Variants in SHISA6 observed in about 807,000 individuals in gnomAD.
The protein encoded by SHISA6 is shisa family member 6, also known as protein shisa-6.
Under a neutral mutation model 47.9 loss-of-function variants are expected in SHISA6, and 22 were observed. The ratio of observed to expected loss-of-function variants is 0.46; its 90% CI spans 0.33 to 0.66. The LOEUF (loss-of-function observed/expected upper bound fraction) is 0.66, where lower values mean the gene tolerates loss of function less well. Among genes scored for constraint, SHISA6 ranks in the 30% least tolerant of loss-of-function variants. The pLI, the probability that SHISA6 is intolerant of heterozygous loss-of-function variation, is 0.02. For missense variants in SHISA6, 680 were observed against 764.6 expected (o/e 0.89, Z 1.30); for synonymous variants, 388 against 337.8 (o/e 1.15, Z -1.63).
chr17:11,486,731 G>C (rs1055025083), intron 3 of SHISA6, among the ~76,000 whole-genome samples: 2 of 152,152 alleles, frequency 1.3e-5, no homozygotes, highest in Non-Finnish European at 2.9e-5. Context: ...CTGGGCACTA[G>C]GAATAATCTC....
At chr17:11,290,671 A>G (rs1162281884) in intron 2 of SHISA6, 2 of 151,522 alleles carry the variant, frequency 1.3e-5, no homozygotes, top group Non-Finnish European at 2.9e-5. Flanking sequence ...CTCTCTCTAT[A>G]TATTTATTTT....
intron 3 of SHISA6, among the ~76,000 whole-genome samples, chr17:11,538,356 C>T (rs12948114): frequency 2.6e-5 from 4 of 152,224 alleles, no homozygotes; most frequent in East Asian, 3.9e-4. Context: ...CCACCACATC[C>T]GACCTACCTG....
intron 3 of SHISA6, among the ~76,000 whole-genome samples, chr17:11,484,280 A>G (rs1916290143): frequency 2.0e-5 from 3 of 152,240 alleles, no homozygotes; most frequent in Non-Finnish European, 4.4e-5. Context: ...GCTTAAATAA[A>G]TACAAATAAA....
intron 3 of SHISA6, among the ~76,000 whole-genome samples, chr17:11,476,295 T>C (rs1916048331): frequency 1.3e-5 from 2 of 152,028 alleles, no homozygotes; most frequent in African/African-American, 2.4e-5. Context: ...TTATTTCTGC[T>C]CTATTTTTTA....
intron 2 of SHISA6, among the ~76,000 whole-genome samples, chr17:11,364,101 C>A (rs1017025567): frequency 1.3e-5 from 2 of 152,140 alleles, no homozygotes; most frequent in Non-Finnish European, 2.9e-5. Flanking sequence ...GACTTGCCTG[C>A]CCTGCAACAG....
At chr17:11,471,585 C>T (rs1055011862) in intron 3 of SHISA6, among the ~76,000 whole-genome samples, 5 of 152,146 alleles carry the variant, frequency 3.3e-5, no homozygotes, top group African/African-American at 1.2e-4. Flanking sequence ...CCTTTGCTGA[C>T]CTCTCAATTT....
intron 3 of SHISA6, among the ~76,000 whole-genome samples, chr17:11,392,181 C>A (rs1444483661): frequency 6.6e-6 from 1 of 150,604 alleles, no homozygotes; most frequent in Non-Finnish European, 1.5e-5. Context: ...TTTTTTTCTT[C>A]TGTCCTGGGG....
intron 3 of SHISA6, among the ~76,000 whole-genome samples, chr17:11,438,423 G>T (rs1915001185): frequency 6.6e-6 from 1 of 152,158 alleles, no homozygotes; most frequent in Non-Finnish European, 1.5e-5. Flanking sequence ...ACTTCTGGAG[G>T]CTGAAAGTTC....
intron 2 of SHISA6, among the ~76,000 whole-genome samples, chr17:11,340,523 C>T (rs1335952805): frequency 2.0e-5 from 3 of 152,216 alleles, no homozygotes; most frequent in Non-Finnish European, 4.4e-5. Flanking sequence ...TGCTTCTGCT[C>T]CATTCTGTTG....
At chr17:11,463,830 AT>A in intron 3 of SHISA6, among the ~76,000 whole-genome samples, 1 of 152,206 alleles carries the variant, frequency 6.6e-6, no homozygotes, top group East Asian at 1.9e-4. Context: ...ATGAAAAATC[AT>A]TTGCTTATAC....
intron 3 of SHISA6, among the ~76,000 whole-genome samples, chr17:11,521,515 G>C (rs2071629034): frequency 6.6e-6 from 1 of 152,170 alleles, no homozygotes; most frequent in Admixed American, 6.5e-5. Flanking sequence ...CAGGCGCAGT[G>C]GTTCACGCCT....
intron 2 of SHISA6, among the ~76,000 whole-genome samples, chr17:11,347,620 C>T (rs2142217821): frequency 6.6e-6 from 1 of 152,258 alleles, no homozygotes; most frequent in African/African-American, 2.4e-5. Context: ...AATAGAAAGT[C>T]AATTGCAAGC....
chr17:11,278,279 A>T (rs1285568848), intron 2 of SHISA6, among the ~76,000 whole-genome samples: 1 of 151,996 alleles, frequency 6.6e-6, no homozygotes, highest in Non-Finnish European at 1.5e-5. Flanking sequence ...AGGCTGCAGA[A>T]TGTTACCCCA....
At chr17:11,539,188 C>T (rs952749309) in intron 3 of SHISA6, among the ~76,000 whole-genome samples, 1 of 152,164 alleles carries the variant, frequency 6.6e-6, no homozygotes, top group Non-Finnish European at 1.5e-5. Flanking sequence ...GTGATCCACC[C>T]GCCTTGGCCT....
chr17:11,557,394 G>T (rs2071992258), intron 5 of SHISA6, among the ~76,000 whole-genome samples: 1 of 152,106 alleles, frequency 6.6e-6, no homozygotes, highest in Admixed American at 6.5e-5. Flanking sequence ...TATCAACTCT[G>T]CCCTGAACAC....
chr17:11,381,297 G>T (rs1402896594), intron 3 of SHISA6, among the ~76,000 whole-genome samples: 1 of 152,150 alleles, frequency 6.6e-6, no homozygotes, highest in Non-Finnish European at 1.5e-5. Context: ...TAATAAATAT[G>T]ATGGCTTTGG....
chr17:11,500,609 T>C lies in SHISA6; in HGVS notation c.896-51287T>C, dbSNP rs182503695. On this transcript the variant is annotated intron_variant, in intron 3 of 5. Coordinates refer to ENST00000441885, the MANE Select transcript of SHISA6 (RefSeq NM_207386.4). ...TCCTGGTTTGTTCAAAAGGCCAAGA[T>C]ACATCCATAGAGAAAGCAATCTCCG... 1.1e-4 allele frequency among the ~76,000 whole-genome samples: 16 copies of C among 152,034 alleles called. No individual in the cohort carries two copies. The East Asian group carries it at 3.1e-3, about 29-fold the overall frequency.
chr17:11,551,449 G>A (rs1183621656), intron 3 of SHISA6, among the ~76,000 whole-genome samples: 3 of 152,136 alleles, frequency 2.0e-5, no homozygotes, highest in African/African-American at 7.2e-5. Flanking sequence ...GGACAAATCA[G>A]AGTCCTGTAA....
intron 2 of SHISA6, among the ~76,000 whole-genome samples, chr17:11,347,505 C>T (rs1404504741): frequency 6.6e-6 from 1 of 152,162 alleles, no homozygotes; most frequent in Non-Finnish European, 1.5e-5. Flanking sequence ...ACATATTTCA[C>T]ATGTATTATC....
Sources: gnomAD v4.1 joint callset for allele counts (sites outside exome capture counted in the v4.1 genomes callset) on GRCh38, gnomAD v4.1.1 for gene constraint, MANE v1.5 for transcripts, NCBI Gene and HGNC (gene_info 2026-07-23, HGNC 2026-07-21) for gene names.